RUNX1: variants seen among roughly 807,000 people sequenced by gnomAD.
The protein encoded by RUNX1 is RUNX family transcription factor 1.
Under a neutral mutation model 42.8 loss-of-function variants are expected in RUNX1, and 19 were observed. The ratio of observed to expected loss-of-function variants is 0.44; its 90% CI spans 0.31 to 0.65. The LOEUF (loss-of-function observed/expected upper bound fraction) is 0.65, where lower values mean the gene tolerates loss of function less well. RUNX1 is among the 30% of genes least tolerant of loss of function. The pLI, the probability that RUNX1 is intolerant of heterozygous loss-of-function variation, is 0.07. For missense variants in RUNX1, 528 were observed against 672.0 expected (o/e 0.79, Z 2.37); for synonymous variants, 271 against 289.4 (o/e 0.94, Z 0.64).
intron 7 of RUNX1, among the ~76,000 whole-genome samples, chr21:34,806,925 A>G (rs1481723406): frequency 2.6e-5 from 4 of 152,154 alleles, no homozygotes; most frequent in African/African-American, 9.7e-5. Context: ...GAACTAAATG[A>G]AAATACAACT....
At chr21:34,966,761 A>T (rs1228278592) in intron 2 of RUNX1, among the ~76,000 whole-genome samples, 1 of 152,172 alleles carries the variant, frequency 6.6e-6, no homozygotes, top group East Asian at 1.9e-4. Context: ...ATGGTTATAT[A>T]CGCCATAAAA....
rs1181676181 is a variant in RUNX1 at position 34,931,356 on chromosome 21, GTA to G, written c.59-38395_59-38394del. Among the ~76,000 whole-genome samples the G allele has an allele frequency of 4.3e-3, 615 of 143,054 alleles. 1 individual carries two copies. Among genetic ancestry groups the G allele is most frequent in the African/African-American group, 0.015 (584 of 37,848 alleles). The allele number at this position is 143,054 out of a possible 152,430, so 93.8% of individuals were successfully genotyped here. ...CACATTTATATATATATATACATGT[GTA>G]TATATATGTGTATATATAATATATA... On this transcript the variant is annotated intron_variant, in intron 2 of 8. Coordinates refer to ENST00000675419, the MANE Select transcript of RUNX1 (RefSeq NM_001754.5).
chr21:34,849,026 T>A (rs2057356465), intron 6 of RUNX1, among the ~76,000 whole-genome samples: 1 of 151,092 alleles, frequency 6.6e-6, no homozygotes, highest in Non-Finnish European at 1.5e-5. Context: ...CAAACAAGTA[T>A]CAAATGTTCG....
rs2146409515 is a variant in RUNX1 at position 34,886,912 on chromosome 21, G to A, written c.282C>T (p.Ser94=). The change falls in exon 4 of 9, where the codon AGC becomes AGT. Residue 94 remains serine (S), a synonymous_variant. Coordinates refer to ENST00000675419, the MANE Select transcript of RUNX1 (RefSeq NM_001754.5). Reference sequence around the variant, plus strand: ...GCAGCACGGAGCAGAGGAAGTTGGGGCTGTCGGTGCGCACCAGCTCGCCCG... The same window carrying A: ...GCAGCACGGAGCAGAGGAAGTTGGGACTGTCGGTGCGCACCAGCTCGCCCG... ...DHPGELVRTD[S]PNFLCSVLPT... is the part of the protein sequence containing the mutation. The A allele has an allele frequency of 6.2e-7, 1 of 1,613,560 alleles. No homozygotes were observed. Among genetic ancestry groups the A allele is most frequent in the Non-Finnish European group, 8.5e-7 (1 of 1,179,750 alleles).
At chr21:34,842,926 G>A (rs1443239087) in intron 6 of RUNX1, among the ~76,000 whole-genome samples, 1 of 151,952 alleles carries the variant, frequency 6.6e-6, no homozygotes, top group Non-Finnish European at 1.5e-5. Context: ...AAAGTAGCCG[G>A]GCATGGTGGC....
chr21:34,937,320 CA>C (rs35504628), intron 2 of RUNX1, among the ~76,000 whole-genome samples: 2,964 of 122,156 alleles, frequency 0.024, 82 homozygotes, highest in African/African-American at 0.075. Flanking sequence ...GGCCATCAGC[CA>C]AAAAAAAAAA....
At chr21:34,942,065 T>A (rs1454880740) in intron 2 of RUNX1, among the ~76,000 whole-genome samples, 1 of 152,164 alleles carries the variant, frequency 6.6e-6, no homozygotes, top group Non-Finnish European at 1.5e-5. Flanking sequence ...CCCTGCTGCA[T>A]CCATCAAATA....
At chr21:34,834,348 C>T in intron 7 of RUNX1, 62 bp downstream of exon 7, 1 of 1,541,772 alleles carries the variant, frequency 6.5e-7, no homozygotes, top group South Asian at 1.1e-5. Flanking sequence ...CACATGGGGG[C>T]CAGTTGTGGG....
intron 5 of RUNX1, among the ~76,000 whole-genome samples, chr21:34,872,780 A>G (rs562381907): frequency 6.6e-6 from 1 of 152,164 alleles, no homozygotes; most frequent in Non-Finnish European, 1.5e-5. Context: ...CGTTTAGTAG[A>G]TCCCTGGCCT....
At chr21:34,917,900 G>T (rs1183345097) in intron 2 of RUNX1, among the ~76,000 whole-genome samples, 1 of 152,054 alleles carries the variant, frequency 6.6e-6, no homozygotes, top group Non-Finnish European at 1.5e-5. Context: ...GGAGGTCCAG[G>T]TGGATGGATC....
chr21:35,024,739 T>C (rs1262408165), intron 2 of RUNX1, among the ~76,000 whole-genome samples: 7 of 152,270 alleles, frequency 4.6e-5, no homozygotes, highest in Admixed American at 6.5e-5. Flanking sequence ...TTGTAGCTAA[T>C]ACTGCCTCTT....
chr21:34,958,022 A>G (rs552242171), intron 2 of RUNX1, among the ~76,000 whole-genome samples: 2 of 152,326 alleles, frequency 1.3e-5, no homozygotes, highest in East Asian at 1.9e-4. Flanking sequence ...CGGTAAAATA[A>G]TAACTCCTTC....
intron 2 of RUNX1, among the ~76,000 whole-genome samples, chr21:34,914,169 C>T (rs567472016): frequency 8.1e-4 from 123 of 152,256 alleles, no homozygotes; most frequent in Middle Eastern, 3.4e-3. Flanking sequence ...GTTCTGAGAG[C>T]GGCTGTCTCC....
At chr21:34,887,992 C>G in intron 3 of RUNX1, 1 of 1,066,140 alleles carries the variant, frequency 9.4e-7, no homozygotes, top group Non-Finnish European at 1.1e-6. Context: ...GGTTCTACAG[C>G]TCTCCCACAT....
chr21:34,818,708 G>C (rs1234386847), intron 7 of RUNX1, among the ~76,000 whole-genome samples: 3 of 152,244 alleles, frequency 2.0e-5, no homozygotes, highest in South Asian at 2.1e-4. Context: ...ACATAAATCA[G>C]AGGAGGATGG....
chr21:34,793,398 G>A (rs538044232), intron 8 of RUNX1, among the ~76,000 whole-genome samples: 13 of 151,836 alleles, frequency 8.6e-5, no homozygotes, highest in South Asian at 2.1e-4. Context: ...TATGTATAAC[G>A]TATATAAAAT....
intron 6 of RUNX1, among the ~76,000 whole-genome samples, chr21:34,839,099 T>C (rs1367257173): frequency 2.6e-5 from 4 of 152,042 alleles, no homozygotes; most frequent in Non-Finnish European, 5.9e-5. Flanking sequence ...ACTTCAGAAC[T>C]GGAGAATGGC....
At chr21:34,974,328 C>T (rs996052210) in intron 2 of RUNX1, among the ~76,000 whole-genome samples, 5 of 151,854 alleles carry the variant, frequency 3.3e-5, no homozygotes, top group African/African-American at 1.2e-4. Flanking sequence ...ACTTGCCTGT[C>T]CTCTGCCAGG....
At chr21:34,990,448 C>G (rs1297876719) in intron 2 of RUNX1, among the ~76,000 whole-genome samples, 1 of 152,064 alleles carries the variant, frequency 6.6e-6, no homozygotes. Flanking sequence ...AGTGATGGAT[C>G]TTTGCCATAG....
Sources: gnomAD v4.1 joint callset for allele counts (sites outside exome capture counted in the v4.1 genomes callset) on GRCh38, gnomAD v4.1.1 for gene constraint, MANE v1.5 for transcripts, NCBI Gene and HGNC (gene_info 2026-07-23, HGNC 2026-07-21) for gene names.